PTPRT: variants seen among roughly 807,000 people sequenced by gnomAD.
The protein encoded by PTPRT is protein tyrosine phosphatase receptor type T, also known as receptor-type tyrosine-protein phosphatase T.
PTPRT carries 56 observed loss-of-function variants against 176.8 expected under a neutral mutation model. The ratio of observed to expected loss-of-function variants is 0.32; its 90% CI spans 0.26 to 0.40. The LOEUF (loss-of-function observed/expected upper bound fraction) is 0.40. Among genes scored for constraint, PTPRT ranks in the 10% least tolerant of loss-of-function variants. The pLI is 1.00. For missense variants in PTPRT, 1,540 were observed against 1,908.2 expected (o/e 0.81, Z 3.60); for synonymous variants, 783 against 739.0 (o/e 1.06, Z -0.96).
intron 1 of PTPRT, among the ~76,000 whole-genome samples, chr20:42,931,163 C>A (rs372134491): frequency 6.6e-6 from 1 of 152,090 alleles, no homozygotes; most frequent in South Asian, 2.1e-4. Flanking sequence ...TAAATATTCA[C>A]GTGTTGAAGC....
chr20:42,257,636 T>TCCC (rs1485904252), intron 13 of PTPRT, among the ~76,000 whole-genome samples: 29 of 6,650 alleles, frequency 4.4e-3, no homozygotes, highest in Admixed American at 7.1e-3. Flanking sequence ...GTGTAGCACC[T>TCCC]CCCCCCACCC....
At chr20:42,090,364 A>G (rs2143007) in intron 27 of PTPRT, among the ~76,000 whole-genome samples, 29,019 of 150,576 alleles carry the variant, frequency 0.19, 5,210 homozygotes, top group African/African-American at 0.45. Flanking sequence ...AGCATCCTAG[A>G]TATGGGATAC....
chr20:42,591,536 C>T (rs1413171808), intron 7 of PTPRT, among the ~76,000 whole-genome samples: 1 of 152,196 alleles, frequency 6.6e-6, no homozygotes, highest in Non-Finnish European at 1.5e-5. Flanking sequence ...TATGTGCACA[C>T]ACATGTGTTC....
chr20:42,259,297 T>G (rs548454875), intron 13 of PTPRT, among the ~76,000 whole-genome samples: 1 of 152,310 alleles, frequency 6.6e-6, no homozygotes, highest in African/African-American at 2.4e-5. Context: ...GTAAGAAAAC[T>G]CCTTTATTCT....
intron 11 of PTPRT, among the ~76,000 whole-genome samples, chr20:42,317,008 A>G (rs1316301950): frequency 6.6e-6 from 1 of 152,178 alleles, no homozygotes; most frequent in East Asian, 1.9e-4. Context: ...TTGCTTACTT[A>G]TCTCTGCCTC....
chr20:42,488,562 TC>T (rs1182217955), intron 7 of PTPRT, among the ~76,000 whole-genome samples: 1 of 152,216 alleles, frequency 6.6e-6, no homozygotes, highest in Non-Finnish European at 1.5e-5. Context: ...GTTGTTCAAA[TC>T]CTTTGCACAA....
intron 7 of PTPRT, among the ~76,000 whole-genome samples, chr20:42,601,949 T>C (rs2073790568): frequency 6.6e-6 from 1 of 152,166 alleles, no homozygotes; most frequent in African/African-American, 2.4e-5. Context: ...CCAGGTGCCC[T>C]GGGTGTGAAT....
chr20:42,970,373 C>A (rs981593502), intron 1 of PTPRT, among the ~76,000 whole-genome samples: 1 of 152,144 alleles, frequency 6.6e-6, no homozygotes, highest in Non-Finnish European at 1.5e-5. Context: ...CAAACAAAGA[C>A]GACTATTAAT....
At position 42,914,454 on chromosome 20, in the gene PTPRT, T is replaced by G. The variant is rs151145480; in HGVS notation, c.89-28522A>C. Among the ~76,000 whole-genome samples the G allele has an allele frequency of 2.6e-3, 397 of 152,216 alleles. 2 individuals are homozygous for G. The highest frequency in any genetic ancestry group is 9.2e-3 in the African/African-American group (383 of 41,524). ...AGTCCGTGGATCCTTAAAACCCAAT[T>G]CAAAAACCAACCACATTTGCATCCA... On this transcript the variant is annotated intron_variant, in intron 1 of 30. Transcript: ENST00000373187.
intron 1 of PTPRT, among the ~76,000 whole-genome samples, chr20:42,888,893 A>T (rs1347041702): frequency 2.6e-5 from 4 of 152,214 alleles, no homozygotes; most frequent in African/African-American, 9.6e-5. Context: ...ATGCTTTCTT[A>T]TGTATGTGTT....
At chr20:42,210,674 T>C (rs1486070155) in intron 15 of PTPRT, among the ~76,000 whole-genome samples, 1 of 150,852 alleles carries the variant, frequency 6.6e-6, no homozygotes, top group Non-Finnish European at 1.5e-5. Flanking sequence ...GAACATTCCA[T>C]GCTCATGGGT....
intron 9 of PTPRT, among the ~76,000 whole-genome samples, chr20:42,426,461 C>G (rs2059164943): frequency 6.6e-6 from 1 of 152,160 alleles, no homozygotes; most frequent in Non-Finnish European, 1.5e-5. Context: ...AGAGCCACCT[C>G]CACCATACAA....
chr20:42,677,561 AGT>A (rs1358559718), intron 7 of PTPRT, among the ~76,000 whole-genome samples: 2 of 152,158 alleles, frequency 1.3e-5, no homozygotes, highest in African/African-American at 4.8e-5. Flanking sequence ...ACACAGAGCC[AGT>A]GTGTCTCATC....
At chr20:43,047,149 C>G (rs1172493406) in intron 1 of PTPRT, among the ~76,000 whole-genome samples, 1 of 151,990 alleles carries the variant, frequency 6.6e-6, no homozygotes, top group Non-Finnish European at 1.5e-5. Context: ...CTTTCTCCCC[C>G]ATCCTCCTCC....
chr20:42,150,025 C>T (rs181452185), intron 17 of PTPRT, among the ~76,000 whole-genome samples: 14 of 152,236 alleles, frequency 9.2e-5, no homozygotes, highest in East Asian at 3.9e-4. Context: ...CCACTTAGTA[C>T]GTTCATTTTC....
chr20:42,215,200 G>A (rs973725543), intron 15 of PTPRT, among the ~76,000 whole-genome samples: 2 of 152,122 alleles, frequency 1.3e-5, no homozygotes, highest in African/African-American at 4.8e-5. Flanking sequence ...CCCCTGGGTT[G>A]GGGAGATGGC....
chr20:43,172,799 G>C (rs979822852), intron 1 of PTPRT, among the ~76,000 whole-genome samples: 1 of 151,740 alleles, frequency 6.6e-6, no homozygotes, highest in African/African-American at 2.4e-5. Flanking sequence ...GCTTGTTCAG[G>C]TCACACATAC....
chr20:42,684,574 A>G (rs181206494), intron 6 of PTPRT, among the ~76,000 whole-genome samples: 178 of 152,322 alleles, frequency 1.2e-3, no homozygotes, highest in Non-Finnish European at 1.9e-3. Flanking sequence ...AAGACATCAA[A>G]CAACTGACAG....
At chr20:42,166,899 G>T (rs1228452860) in intron 16 of PTPRT, among the ~76,000 whole-genome samples, 3 of 151,756 alleles carry the variant, frequency 2.0e-5, no homozygotes, top group Non-Finnish European at 2.9e-5. Flanking sequence ...CCAGCCAGGG[G>T]TGACAGAGCA....
Sources: gnomAD v4.1 joint callset for allele counts (sites outside exome capture counted in the v4.1 genomes callset) on GRCh38, gnomAD v4.1.1 for gene constraint, MANE v1.5 for transcripts, NCBI Gene and HGNC (gene_info 2026-07-23, HGNC 2026-07-21) for gene names.